Variants in PTPRN2 observed in about 807,000 individuals in gnomAD.
PTPRN2 encodes the protein protein tyrosine phosphatase receptor type N2.
A neutral mutation model predicts 118.8 loss-of-function variants in PTPRN2; 74 were observed. The ratio of observed to expected loss-of-function variants is 0.62; its 90% CI spans 0.52 to 0.76. The LOEUF (loss-of-function observed/expected upper bound fraction) is 0.76, where lower values mean the gene tolerates loss of function less well. PTPRN2 is among the 30% of genes least tolerant of loss of function. PTPRN2 has a pLI of 0.00. For synonymous variants in PTPRN2, 641 were observed against 608.0 expected, an observed-to-expected ratio of 1.05 and a Z score of -0.80; for missense variants, 1,481 against 1,394.4, an observed-to-expected ratio of 1.06 and a Z score of -0.99.
intron 2 of PTPRN2, among the ~76,000 whole-genome samples, chr7:158,363,693 C>T (rs916438775): frequency 6.6e-6 from 1 of 152,144 alleles, no homozygotes; most frequent in Non-Finnish European, 1.5e-5. Flanking sequence ...CCAGGGCGCT[C>T]GGCCCCCAGA....
At chr7:158,151,955 C>T (rs780218209) in intron 6 of PTPRN2, among the ~76,000 whole-genome samples, 12 of 152,100 alleles carry the variant, frequency 7.9e-5, no homozygotes, top group Non-Finnish European at 1.6e-4. Flanking sequence ...GGGTGGATCA[C>T]AAGGTCAGGA....
At chr7:157,902,205 C>T (rs1056976020) in intron 11 of PTPRN2, among the ~76,000 whole-genome samples, 5 of 152,248 alleles carry the variant, frequency 3.3e-5, no homozygotes, top group African/African-American at 7.2e-5. Context: ...GCCAGGAACG[C>T]GCTGCAGCAG....
At chr7:158,581,733 C>T (rs1025355699) in intron 1 of PTPRN2, among the ~76,000 whole-genome samples, 19 of 152,076 alleles carry the variant, frequency 1.2e-4, no homozygotes, top group African/African-American at 4.6e-4. Context: ...AGTGAAATGC[C>T]CTCTTACCAC....
chr7:158,452,209 T>G (rs1335590050), intron 2 of PTPRN2, among the ~76,000 whole-genome samples: 3 of 151,502 alleles, frequency 2.0e-5, no homozygotes, highest in Non-Finnish European at 4.4e-5. Context: ...CACAACTTTC[T>G]TTTTCATAAC....
chr7:158,175,585 T>C (rs1055389276), intron 5 of PTPRN2, among the ~76,000 whole-genome samples: 3 of 152,192 alleles, frequency 2.0e-5, no homozygotes, highest in African/African-American at 7.2e-5. Flanking sequence ...GGTGTCATTC[T>C]TACCAACAGT....
chr7:158,408,564 A>G (rs1323529201), intron 2 of PTPRN2, among the ~76,000 whole-genome samples: 1 of 152,244 alleles, frequency 6.6e-6, no homozygotes, highest in Non-Finnish European at 1.5e-5. Context: ...AGAAAATGAC[A>G]TTTATTACTG....
At chr7:158,417,027 A>G (rs1047999348) in intron 2 of PTPRN2, among the ~76,000 whole-genome samples, 21 of 120,882 alleles carry the variant, frequency 1.7e-4, no homozygotes, top group Non-Finnish European at 3.6e-4. Flanking sequence ...TCTACCTCTC[A>G]CTGTCCCCCT....
intron 11 of PTPRN2, chr7:158,029,423 T>C (rs1807525249): frequency 6.6e-6 from 1 of 152,266 alleles, no homozygotes; most frequent in Non-Finnish European, 1.5e-5. Flanking sequence ...TCCTAATCTC[T>C]GCAGGCCGCC....
intron 2 of PTPRN2, among the ~76,000 whole-genome samples, chr7:158,365,188 C>A (rs1470488230): frequency 6.6e-6 from 1 of 152,218 alleles, no homozygotes; most frequent in Non-Finnish European, 1.5e-5. Context: ...AAGTGGGAAA[C>A]CGTCCTTGCG....
chr7:157,925,145 G>A (rs1236683859), intron 11 of PTPRN2, among the ~76,000 whole-genome samples: 5 of 137,638 alleles, frequency 3.6e-5, no homozygotes, highest in Admixed American at 7.0e-5. Context: ...CCTGCATTTA[G>A]CACGTCAGGC....
chr7:157,653,466 C>G (rs1805813951), intron 14 of PTPRN2, among the ~76,000 whole-genome samples: 1 of 152,136 alleles, frequency 6.6e-6, no homozygotes, highest in East Asian at 1.9e-4. Flanking sequence ...TCCTGCGGCA[C>G]CAACCTGCAT....
chr7:157,608,399 A>C (rs1254433807), intron 15 of PTPRN2, among the ~76,000 whole-genome samples: 3 of 152,108 alleles, frequency 2.0e-5, no homozygotes, highest in Non-Finnish European at 4.4e-5. Context: ...ATATGGGGTC[A>C]TTTGGAACCT....
At chr7:158,062,623 C>T (rs983359038) in intron 11 of PTPRN2, among the ~76,000 whole-genome samples, 20 of 152,298 alleles carry the variant, frequency 1.3e-4, no homozygotes, top group African/African-American at 3.1e-4. Context: ...CGGGCCAGCA[C>T]GAGTTCTGGG....
intron 2 of PTPRN2, among the ~76,000 whole-genome samples, chr7:158,389,737 C>A (rs1482532099): frequency 1.3e-5 from 2 of 152,256 alleles, no homozygotes; most frequent in Non-Finnish European, 2.9e-5. Flanking sequence ...TAAATCATCA[C>A]GCGTCGCATT....
intron 12 of PTPRN2, among the ~76,000 whole-genome samples, chr7:157,841,902 A>AT (rs34875641): frequency 2.6e-5 from 4 of 151,770 alleles, no homozygotes; most frequent in Non-Finnish European, 5.9e-5. Flanking sequence ...AGCATACAGT[A>AT]CCCGGGGACT....
In PTPRN2 at chr7:158,348,364, G is replaced by T. The variant is rs111383022; in HGVS notation, c.164-31432C>A. Among the ~76,000 whole-genome samples, 367 of 84,218 alleles carry T rather than the reference G, an allele frequency of 4.4e-3. 33 individuals carry two copies. Among genetic ancestry groups the T allele is most frequent in the Non-Finnish European group, 5.7e-3 (244 of 42,456 alleles). The allele number at this position is 84,218 out of a possible 152,430, so 55.3% of individuals were successfully genotyped here. On this transcript the variant is annotated intron_variant, in intron 2 of 22. Coordinates refer to ENST00000389418, the MANE Select transcript of PTPRN2 (RefSeq NM_002847.5). ...TTCACAGCCCCAGAGCCACCCTGGG[G>T]TCCCCATTCACAGCCCCAGAGCCAC...
Position 158,498,645 on chromosome 7 carries a change from G to A in PTPRN2, c.113-8860C>T, listed in dbSNP as rs143638905. 2.0e-3 allele frequency among the ~76,000 whole-genome samples: 309 copies of A among 152,168 alleles called. 7 individuals carry two copies. The East Asian group carries it at 0.038, about 19-fold the overall frequency. On this transcript the variant is annotated intron_variant, in intron 1 of 22. Transcript: ENST00000389418. ...AAGGATGTTTGCTGAGTCATTCTTC[G>A]GGACTAAGAAAACATTTCTAACCTT...
In PTPRN2 at chr7:157,621,411, G is replaced by A. The variant is rs1803231976; in HGVS notation, c.2295C>T (p.Ala765=). The change falls in exon 15 of 23, where the codon GCC becomes GCT. Residue 765 remains alanine (A), a synonymous_variant. Coordinates refer to ENST00000389418, the MANE Select transcript of PTPRN2 (RefSeq NM_002847.5). ...TCTTGGGCACGTTCTCCTCCCTCTG[G>A]GCCACGAACGAGCTGTTGGGCTCCG... is the stretch of plus-strand genomic sequence containing the variant. ...YQAEPNSSFV[A]QREENVPKNR... is the part of the protein sequence containing the mutation. The A allele has an allele frequency of 2.5e-6, 4 of 1,610,340 alleles. No individual in the cohort carries two copies. In the South Asian group the frequency reaches 4.4e-5, roughly 18 times the overall value.
intron 12 of PTPRN2, among the ~76,000 whole-genome samples, chr7:157,747,310 C>T (rs372138124): frequency 3.7e-4 from 25 of 67,008 alleles, no homozygotes; most frequent in Admixed American, 1.9e-3. Context: ...TGTGGGGTGT[C>T]CGGGTGATTC....
Sources: gnomAD v4.1 joint callset for allele counts (sites outside exome capture counted in the v4.1 genomes callset) on GRCh38, gnomAD v4.1.1 for gene constraint, MANE v1.5 for transcripts, NCBI Gene and HGNC (gene_info 2026-07-23, HGNC 2026-07-21) for gene names.